Variants in MPPED2 observed in about 807,000 individuals in gnomAD.
The protein encoded by MPPED2 is metallophosphoesterase MPPED2.
A neutral mutation model predicts 33.0 loss-of-function variants in MPPED2; 5 were observed. That is an observed-to-expected ratio of 0.15 (90% confidence interval 0.08 to 0.32). The LOEUF (loss-of-function observed/expected upper bound fraction) is 0.32. MPPED2 is among the 10% of genes least tolerant of loss of function. MPPED2 has a pLI of 1.00. For missense variants in MPPED2, 275 were observed against 372.1 expected (o/e 0.74, Z 2.15); for synonymous variants, 136 against 141.9 (o/e 0.96, Z 0.29).
At chr11:30,562,221 A>G (rs1956267909) in intron 2 of MPPED2, among the ~76,000 whole-genome samples, 1 of 152,150 alleles carries the variant, frequency 6.6e-6, no homozygotes, top group African/African-American at 2.4e-5. Context: ...CAAAAATGCA[A>G]TTGCTGTCCA....
intron 4 of MPPED2, among the ~76,000 whole-genome samples, chr11:30,445,725 G>A (rs1217999958): frequency 2.6e-5 from 4 of 152,106 alleles, no homozygotes; most frequent in Non-Finnish European, 4.4e-5. Context: ...TTTGTGTCTG[G>A]CTTACCTCAC....
intron 4 of MPPED2, among the ~76,000 whole-genome samples, chr11:30,485,358 T>C (rs951179880): frequency 1.0e-5 from 1 of 99,202 alleles, no homozygotes; most frequent in African/African-American, 2.9e-5. Context: ...GTTATTATTA[T>C]TACTTATATA....
intron 2 of MPPED2, among the ~76,000 whole-genome samples, chr11:30,561,608 G>C (rs530178474): frequency 1.3e-5 from 2 of 152,318 alleles, no homozygotes; most frequent in East Asian, 3.9e-4. Context: ...CTGATAGCTA[G>C]ATCGTAGCAA....
At chr11:30,467,532 G>A (rs907771781) in intron 4 of MPPED2, among the ~76,000 whole-genome samples, 6 of 152,128 alleles carry the variant, frequency 3.9e-5, no homozygotes, top group African/African-American at 1.4e-4. Context: ...CATCAGCAGT[G>A]GCCAGTGTGG....
At chr11:30,540,841 T>C (rs1281500963) in intron 2 of MPPED2, among the ~76,000 whole-genome samples, 1 of 152,212 alleles carries the variant, frequency 6.6e-6, no homozygotes, top group Admixed American at 6.5e-5. Context: ...AACAATCTAT[T>C]ATAATCCCCG....
At chr11:30,511,222 A>G (rs1369297523) in intron 3 of MPPED2, among the ~76,000 whole-genome samples, 3 of 152,218 alleles carry the variant, frequency 2.0e-5, no homozygotes, top group East Asian at 1.9e-4. Flanking sequence ...TCTTTCTACA[A>G]CCTCCAAGAA....
At chr11:30,520,853 C>T (rs999028864) in intron 3 of MPPED2, among the ~76,000 whole-genome samples, 1 of 152,044 alleles carries the variant, frequency 6.6e-6, no homozygotes, top group Non-Finnish European at 1.5e-5. Context: ...AGAGTAGCAG[C>T]CAAGGGGGTA....
At chr11:30,437,755 G>A (rs1195446128) in intron 4 of MPPED2, among the ~76,000 whole-genome samples, 1 of 151,996 alleles carries the variant, frequency 6.6e-6, no homozygotes, top group East Asian at 1.9e-4. Context: ...GTAAAAGGGA[G>A]GCAGATAGAA....
intron 3 of MPPED2, among the ~76,000 whole-genome samples, chr11:30,499,492 A>G (rs1454135219): frequency 2.0e-5 from 3 of 152,116 alleles, no homozygotes; most frequent in African/African-American, 2.4e-5. Context: ...GGGATGTTCA[A>G]TTTGCAAATT....
At chr11:30,485,548 G>A (rs16920793) in intron 4 of MPPED2, among the ~76,000 whole-genome samples, 47,956 of 124,910 alleles carry the variant, frequency 0.38, 8,545 homozygotes, top group African/African-American at 0.51. Context: ...CAAACCCCGC[G>A]GAGCTCTATA....
At chr11:30,411,779 C>A (rs575872738) in intron 6 of MPPED2, among the ~76,000 whole-genome samples, 193 bp from the exon 7 acceptor site, 3 of 152,132 alleles carry the variant, frequency 2.0e-5, no homozygotes, top group Non-Finnish European at 4.4e-5. Flanking sequence ...ATGGTAGAAT[C>A]TTCTCCTTCA....
intron 4 of MPPED2, among the ~76,000 whole-genome samples, chr11:30,479,999 T>C (rs1296094080): frequency 2.0e-5 from 3 of 152,132 alleles, no homozygotes; most frequent in African/African-American, 7.2e-5. Flanking sequence ...TCTGATAAGA[T>C]ATGCACCAAA....
intron 2 of MPPED2, among the ~76,000 whole-genome samples, chr11:30,567,891 A>C (rs1264093173): frequency 6.6e-6 from 1 of 152,210 alleles, no homozygotes; most frequent in Non-Finnish European, 1.5e-5. Context: ...AGGTTAACAG[A>C]GACTCAATCC....
At position 30,495,357 on chromosome 11, in the gene MPPED2, T is replaced by C. The variant is rs949273200; in HGVS notation, c.475A>G (p.Ser159Gly). 5.0e-6 allele frequency: 8 copies of C among 1,614,158 alleles called. No homozygotes were observed. Among genetic ancestry groups the C allele is most frequent in the Non-Finnish European group, 6.8e-6 (8 of 1,180,000 alleles). The part of the protein sequence containing the change: ...FDNVQSLLTN[S>G]IYLQDSEVTV... ...ACCTCCGAATCTTGTAAGTAAATAC[T>C]GTTTGTCAGGAGGGACTGAACATTG... is the stretch of plus-strand genomic sequence containing the variant. The change falls in exon 4 of 7, where the codon AGT becomes GGT. Residue 159 changes from serine to glycine, a missense_variant. Transcript: ENST00000358117.
intron 4 of MPPED2, among the ~76,000 whole-genome samples, chr11:30,476,468 T>C (rs693004): frequency 0.1 from 15,400 of 151,980 alleles, 1,012 homozygotes; most frequent in South Asian, 0.24. Flanking sequence ...GTTTTCCATA[T>C]TGATATTTAT....
intron 1 of MPPED2, chr11:30,584,376 A>ACACACCCCCC: frequency 1.4e-5 from 1 of 72,914 alleles, no homozygotes; most frequent in African/African-American, 3.8e-5. Context: ...ACACACACAC[A>ACACACCCCCC]CCACATACAC....
downstream of MPPED2, among the ~76,000 whole-genome samples, chr11:30,407,000 G>A (rs935046446): frequency 3.3e-5 from 5 of 152,224 alleles, no homozygotes; most frequent in Non-Finnish European, 5.9e-5. Context: ...CTGGATGAGA[G>A]TGGGGAATGG....
exon 7 of MPPED2, chr11:30,387,925 C>G (rs541300200): frequency 1.3e-5 from 2 of 152,218 alleles, no homozygotes; most frequent in Non-Finnish European, 2.9e-5. Flanking sequence ...AGATGCCTGA[C>G]GATGATGCTG....
chr11:30,418,727 A>T (rs1014014782), intron 4 of MPPED2, among the ~76,000 whole-genome samples: 1 of 152,226 alleles, frequency 6.6e-6, no homozygotes, highest in Non-Finnish European at 1.5e-5. Context: ...CTGTGTATAA[A>T]GTGACCCTAA....
Sources: allele counts gnomAD v4.1 joint callset (sites outside exome capture counted in the v4.1 genomes callset), GRCh38; gene constraint gnomAD v4.1.1; transcripts MANE v1.5; gene names NCBI Gene and HGNC (gene_info 2026-07-23, HGNC 2026-07-21).